Variants in ADGRG6 observed in about 807,000 individuals in gnomAD.
The protein encoded by ADGRG6 is adhesion G protein-coupled receptor G6, also known as G-protein coupled receptor 126.
A neutral mutation model predicts 142.4 loss-of-function variants in ADGRG6; 84 were observed. That is an observed-to-expected ratio of 0.59 (90% CI 0.49 to 0.71). The LOEUF is 0.71. Ranked by LOEUF, ADGRG6 falls within the 30% of genes least tolerant of loss-of-function variation. ADGRG6 has a pLI of 0.00. For missense variants in ADGRG6, 1,367 were observed against 1,466.6 expected (o/e 0.93, Z 1.11); for synonymous variants, 521 against 520.5 (o/e 1.00, Z -0.01).
At chr6:142,344,599 G>T (rs1160353120) in intron 2 of ADGRG6, among the ~76,000 whole-genome samples, 1 of 151,870 alleles carries the variant, frequency 6.6e-6, no homozygotes, top group Admixed American at 6.6e-5. Flanking sequence ...CTGATTAAAT[G>T]ATGTTTTTTC....
intron 4 of ADGRG6, among the ~76,000 whole-genome samples, chr6:142,376,331 A>G (rs1781497891): frequency 6.6e-6 from 1 of 152,226 alleles, no homozygotes; most frequent in African/African-American, 2.4e-5. Context: ...AGTATAACGC[A>G]ATGAATAGTC....
intron 18 of ADGRG6, among the ~76,000 whole-genome samples, chr6:142,414,321 A>C (rs1776245303): frequency 6.6e-6 from 1 of 152,188 alleles, no homozygotes; most frequent in Admixed American, 6.5e-5. Context: ...AACAGCCCCA[A>C]ATAATTTAAA....
At chr6:142,438,457 G>A (rs974803465) in intron 24 of ADGRG6, 93 bp downstream of exon 24, 1 of 684,124 alleles carries the variant, frequency 1.5e-6, no homozygotes, top group African/African-American at 1.8e-5. Flanking sequence ...CAGTGCCTAA[G>A]AGGGTGCATC....
rs745695876 is a variant in ADGRG6 at position 142,370,783 on chromosome 6, C to G, written c.1059C>G (p.Asn353Lys). 11 of 1,612,548 alleles carry G rather than the reference C, an allele frequency of 6.8e-6. No homozygotes were observed. Among genetic ancestry groups the G allele is most frequent in the Non-Finnish European group, 9.3e-6 (11 of 1,179,108 alleles). The change falls in exon 4 of 25, where the codon AAC (asparagine) becomes AAG (lysine). Residue 353 changes from asparagine (N) to lysine (K), a missense_variant. This residue lies in a region of ADGRG6 where 737 missense variants were observed against 746.5 expected (regional missense o/e 0.99). Transcript: ENST00000367609. ...ACCTAGCTCTGAAAGCTGAAAGCAA[C>G]CTAAGCTGTGGTGAGTTTGTAGCGT... Reference protein sequence around the residue: ...IPNLALKAESNLSCGSYLIPL... With the variant: ...IPNLALKAESKLSCGSYLIPL...
intron 2 of ADGRG6, among the ~76,000 whole-genome samples, chr6:142,365,634 C>T (rs1391981581): frequency 6.6e-6 from 1 of 152,164 alleles, no homozygotes; most frequent in Non-Finnish European, 1.5e-5. Flanking sequence ...TGATGATCAT[C>T]ATTTATTTTC....
rs200152845 is a variant in ADGRG6, at chr6:142,392,979, C to T, written c.1340C>T (p.Thr447Met). The T allele has an allele frequency of 1.1e-4, 178 of 1,580,522 alleles. No homozygotes were observed. Among genetic ancestry groups the T allele is most frequent in the African/African-American group, 5.0e-4 (37 of 74,260 alleles). The change falls in exon 8 of 25, where the codon ACG becomes ATG. Residue 447 changes from threonine to methionine, a missense_variant. This residue lies in a region of ADGRG6 where 737 missense variants were observed against 746.5 expected (regional missense o/e 0.99). Coordinates refer to ENST00000367609, the MANE Select transcript of ADGRG6 (RefSeq NM_198569.3). ...LNSTFQNWNY[T>M]VYVVNISFHL... ...TCAACCTTCCAAAATTGGAACTACA[C>T]GGTTTATGTCGTTAATATCAGGTAA...
In ADGRG6 at chr6:142,309,570, G is replaced by A. The variant is rs1288909399; in HGVS notation, c.29G>A (p.Ser10Asn). 2 of 1,608,990 alleles carry A rather than the reference G, an allele frequency of 1.2e-6. No homozygotes were observed. Among genetic ancestry groups the A allele is most frequent in the East Asian group, 4.5e-5 (2 of 44,772 alleles). Residue 10 changes from serine (S) to asparagine (N), a missense_variant, in exon 2 of 25, where the codon AGC becomes AAC. Around this residue, in one of 3 missense-constraint regions of ADGRG6, gnomAD observed 737 missense variants for 746.5 expected, o/e 0.99. Transcript: ENST00000367609. MMFRSDRMW[S>N]CHWKWKPSPL... ...ATGTTTCGCTCAGATCGAATGTGGA[G>A]CTGCCATTGGAAATGGAAGCCCAGT...
chr6:142,315,704 G>A (rs1054437391), intron 2 of ADGRG6, among the ~76,000 whole-genome samples: 23 of 151,852 alleles, frequency 1.5e-4, no homozygotes, highest in Non-Finnish European at 1.8e-4. Context: ...GGTGGTGCGC[G>A]CCTGTAATCC....
intron 2 of ADGRG6, among the ~76,000 whole-genome samples, chr6:142,316,142 AACTT>A (rs1309164365): frequency 1.4e-4 from 21 of 152,178 alleles, no homozygotes; most frequent in Admixed American, 1.4e-3. Flanking sequence ...TTCCTAAACT[AACTT>A]CATCTTAAAC....
intron 2 of ADGRG6, among the ~76,000 whole-genome samples, chr6:142,319,746 C>G (rs1364067631): frequency 6.6e-6 from 1 of 152,144 alleles, no homozygotes; most frequent in South Asian, 2.1e-4. Context: ...AGAAAGACAT[C>G]TTTATTCTCT....
At chr6:142,385,242 C>G (rs188184658) in intron 6 of ADGRG6, among the ~76,000 whole-genome samples, 213 of 152,266 alleles carry the variant, frequency 1.4e-3, no homozygotes, top group Non-Finnish European at 2.4e-3. Context: ...CCATCTCTCT[C>G]TGCGTCATAA....
chr6:142,411,457 G>A (rs1389137702), intron 18 of ADGRG6, 46 bp downstream of exon 18: 3 of 904,578 alleles, frequency 3.3e-6, no homozygotes, highest in Non-Finnish European at 5.6e-6. Flanking sequence ...TGTAACTTTG[G>A]ATGGCATACT....
At chr6:142,407,735 C>A (rs1040896570) in intron 15 of ADGRG6, among the ~76,000 whole-genome samples, 21 of 152,110 alleles carry the variant, frequency 1.4e-4, no homozygotes, top group African/African-American at 5.1e-4. Flanking sequence ...AGATGTCTTG[C>A]TTTTTATTTT....
At chr6:142,419,679 C>T (rs1423044945) in intron 21 of ADGRG6, 142 bp from the exon 22 acceptor site, 1 of 620,276 alleles carries the variant, frequency 1.6e-6, no homozygotes, top group African/African-American at 1.8e-5. Flanking sequence ...GAAGAAGAAA[C>T]TGAGGTCCAA....
At chr6:142,370,900 T>C in intron 4 of ADGRG6, 107 bp downstream of exon 4, 1 of 1,084,778 alleles carries the variant, frequency 9.2e-7, no homozygotes, top group Non-Finnish European at 1.4e-6. Flanking sequence ...GTATGTATAT[T>C]CACACATATA....
Position 142,419,929 on chromosome 6 carries a change from T to C in ADGRG6, c.3144T>C (p.Cys1048=). The part of the protein sequence containing the change: ...AMFIVVMVQI[C]GRNGKRSNRT... ...TCATTGTGGTAATGGTGCAGATCTG[T>C]GGGAGGAATGGCAAGAGAAGCAACC... The change falls in exon 22 of 25, where the codon TGT becomes TGC. Residue 1048 remains cysteine (C), a synonymous_variant. Transcript: ENST00000367609. 1 of 1,613,524 alleles carries C rather than the reference T, an allele frequency of 6.2e-7. No homozygotes were observed. The highest frequency in any genetic ancestry group is 8.5e-7 in the Non-Finnish European group (1 of 1,179,610).
chr6:142,306,832 C>T (rs1298267810), intron 1 of ADGRG6, among the ~76,000 whole-genome samples: 4 of 152,070 alleles, frequency 2.6e-5, no homozygotes, highest in African/African-American at 7.2e-5. Flanking sequence ...ACTTTCCTTC[C>T]TCTGTTCTAT....
chr6:142,367,481 T>C, intron 2 of ADGRG6, 88 bp from the exon 3 acceptor site: 1 of 791,978 alleles, frequency 1.3e-6, no homozygotes, highest in Non-Finnish European at 2.0e-6. Flanking sequence ...ATTTACTGCT[T>C]GATTGTCGCC....
chr6:142,311,906 T>C (rs1170010799), intron 2 of ADGRG6, among the ~76,000 whole-genome samples: 1 of 151,980 alleles, frequency 6.6e-6, no homozygotes, highest in Non-Finnish European at 1.5e-5. Context: ...TTCCTCCTTC[T>C]ATCCTCCTGT....
Sources: allele counts gnomAD v4.1 joint callset (sites outside exome capture counted in the v4.1 genomes callset), GRCh38; gene constraint gnomAD v4.1.1; regional missense constraint gnomAD v4.1.1; transcripts MANE v1.5; gene names NCBI Gene and HGNC (gene_info 2026-07-23, HGNC 2026-07-21).